HMGN5: variants seen among roughly 807,000 people sequenced by gnomAD.
HMGN5 encodes high mobility group nucleosome-binding domain-containing protein 5.
HMGN5 carries 4 observed loss-of-function variants against 9.5 expected under a neutral mutation model. That is an observed-to-expected ratio of 0.42 (90% CI 0.21 to 0.96). HMGN5 has a LOEUF of 0.96. Among genes scored for constraint, HMGN5 ranks in the 40% least tolerant of loss-of-function variants. HMGN5 has a pLI of 0.30. For synonymous variants in HMGN5, 55 were observed against 57.1 expected, an observed-to-expected ratio of 0.96 and a Z score of 0.16; for missense variants, 192 against 187.5, an observed-to-expected ratio of 1.02 and a Z score of -0.14.
chrX:81,167,885 T>C (rs781482959), intron 1 of HMGN5, among the ~76,000 whole-genome samples: 1 of 112,196 alleles, frequency 8.9e-6, no homozygotes, highest in Non-Finnish European at 1.9e-5. Context: ...GATTTTTTTT[T>C]TGTTTTGTTT....
At chrX:81,148,237 T>C (rs151006639) in intron 1 of HMGN5, among the ~76,000 whole-genome samples, 12,420 of 110,817 alleles carry the variant, frequency 0.11, 625 homozygotes, top group Non-Finnish European at 0.16. Flanking sequence ...AAACTACTAC[T>C]AGGCAACAGT....
intron 1 of HMGN5, among the ~76,000 whole-genome samples, chrX:81,144,531 C>T (rs1303802302): frequency 1.8e-5 from 2 of 111,965 alleles, no homozygotes; most frequent in Non-Finnish European, 3.8e-5. Context: ...GATAAATCCA[C>T]GAAGATGAGG....
intron 1 of HMGN5, among the ~76,000 whole-genome samples, chrX:81,140,756 C>T (rs868646573): frequency 9.0e-6 from 1 of 110,567 alleles, no homozygotes; most frequent in Non-Finnish European, 1.9e-5. Flanking sequence ...CAGTGCAAAA[C>T]TCCTTCTGCT....
chrX:81,199,484 C>G (rs2075518881), intron 1 of HMGN5, among the ~76,000 whole-genome samples: 1 of 112,222 alleles, frequency 8.9e-6, no homozygotes, highest in African/African-American at 3.3e-5. Context: ...AACTATACTA[C>G]AAGGCTACAG....
At chrX:81,155,085 A>ATATG (rs1391636582) in intron 1 of HMGN5, among the ~76,000 whole-genome samples, 1 of 94,110 alleles carries the variant, frequency 1.1e-5, no homozygotes, top group African/African-American at 3.9e-5. Context: ...GTATATATAT[A>ATATG]TATATATATA....
chrX:81,118,596 A>T, intron 4 of HMGN5, 111 bp from the exon 5 acceptor site: 2 of 819,389 alleles, frequency 2.4e-6, no homozygotes, highest in Non-Finnish European at 3.5e-6. Flanking sequence ...ATTAGGAAAA[A>T]AAATACATTT....
chrX:81,153,788 A>G (rs1275201335), intron 1 of HMGN5, among the ~76,000 whole-genome samples: 1 of 103,302 alleles, frequency 9.7e-6, no homozygotes, highest in East Asian at 3.1e-4. Flanking sequence ...TATAATAGCC[A>G]CACATAAAAT....
chrX:81,173,933 T>TA (rs993611230), intron 1 of HMGN5, among the ~76,000 whole-genome samples: 1 of 111,656 alleles, frequency 9.0e-6, no homozygotes, highest in African/African-American at 3.2e-5. Flanking sequence ...ATTACTCACT[T>TA]AGATTTGTTT....
At chrX:81,119,666 T>C in intron 3 of HMGN5, 122 bp downstream of exon 3, 1 of 532,951 alleles carries the variant, frequency 1.9e-6, no homozygotes, top group Non-Finnish European at 3.2e-6. Context: ...ATCCCACTGG[T>C]ATACCATATT....
intron 1 of HMGN5, among the ~76,000 whole-genome samples, chrX:81,188,904 T>G (rs889913810): frequency 1.8e-5 from 2 of 111,505 alleles, no homozygotes; most frequent in Admixed American, 9.6e-5. Context: ...AAGAGTAGTT[T>G]ACACACCACA....
At chrX:81,150,723 A>T (rs776723604) in intron 1 of HMGN5, among the ~76,000 whole-genome samples, 76 of 112,085 alleles carry the variant, frequency 6.8e-4, no homozygotes, top group Non-Finnish European at 1.3e-3. Flanking sequence ...AAATTGACGA[A>T]CCTATGGGCA....
intron 1 of HMGN5, among the ~76,000 whole-genome samples, chrX:81,198,150 T>C (rs927197032): frequency 2.7e-5 from 3 of 111,528 alleles, no homozygotes; most frequent in African/African-American, 6.5e-5. Context: ...CTAAGTAAGA[T>C]TGTATGAATA....
At chrX:81,126,796 G>A (rs1408394256) in intron 1 of HMGN5, among the ~76,000 whole-genome samples, 1 of 111,411 alleles carries the variant, frequency 9.0e-6, no homozygotes, top group African/African-American at 3.3e-5. Context: ...ATGATGTTTT[G>A]ATATACATAT....
At chrX:81,118,345 A>G (rs1320650264) in intron 5 of HMGN5, 87 bp downstream of exon 5, 1 of 516,667 alleles carries the variant, frequency 1.9e-6, no homozygotes, top group Non-Finnish European at 3.2e-6. Flanking sequence ...ATATAAGCAA[A>G]GTAAAATGAT....
At chrX:81,133,698 G>A (rs2075303818) in intron 1 of HMGN5, among the ~76,000 whole-genome samples, 1 of 110,550 alleles carries the variant, frequency 9.0e-6, no homozygotes, top group Non-Finnish European at 1.9e-5. Flanking sequence ...ACACACACTG[G>A]GACCTATTAG....
intron 2 of HMGN5, 89 bp downstream of exon 2, chrX:81,121,444 TAA>T: frequency 1.0e-6 from 1 of 976,596 alleles, no homozygotes; most frequent in Non-Finnish European, 1.5e-6. Flanking sequence ...CAAAAAGCTT[TAA>T]AAAAAACCAA....
intron 1 of HMGN5, among the ~76,000 whole-genome samples, chrX:81,163,368 T>C (rs1214249147): frequency 2.7e-5 from 3 of 112,327 alleles, no homozygotes; most frequent in African/African-American, 9.7e-5. Flanking sequence ...ATGAATCAAT[T>C]GTTGTATGCC....
chrX:81,131,800 G>A (rs972381363), intron 1 of HMGN5, among the ~76,000 whole-genome samples: 7 of 111,142 alleles, frequency 6.3e-5, no homozygotes, highest in Non-Finnish European at 1.1e-4. Context: ...TTGAAAACTG[G>A]CACAAGACAA....
In HMGN5 at chrX:81,179,689, T is replaced by C. The variant is rs747970036; in HGVS notation, c.-124+22048A>G. Among the ~76,000 whole-genome samples, 11 of 111,578 alleles carry C rather than the reference T, an allele frequency of 9.9e-5. No individual in the cohort carries two copies. The South Asian group carries it at 3.4e-3, about 34-fold the overall frequency. ...GATACCAATGACTTTCTTCACAGAA[T>C]TGGAAAAAACTACTTTAAAGTTCAT... is the stretch of plus-strand genomic sequence containing the variant. On this transcript the variant is annotated intron_variant, in intron 1 of 6. Coordinates refer to ENST00000358130, the MANE Select transcript of HMGN5 (RefSeq NM_030763.3).
Sources: allele counts gnomAD v4.1 joint callset (sites outside exome capture counted in the v4.1 genomes callset), GRCh38; gene constraint gnomAD v4.1.1; transcripts MANE v1.5; gene names NCBI Gene and HGNC (gene_info 2026-07-23, HGNC 2026-07-21).